MAP3K7CL: variants seen among roughly 807,000 people sequenced by gnomAD.
MAP3K7CL encodes the protein MAP3K7 C-terminal like.
Under a neutral mutation model 18.6 loss-of-function variants are expected in MAP3K7CL, and 16 were observed. That is an observed-to-expected ratio of 0.86 (90% CI 0.58 to 1.31). MAP3K7CL has a LOEUF of 1.31. Among genes scored for constraint, MAP3K7CL ranks in the 50% most tolerant of loss-of-function variants. The pLI is 0.00. For missense variants in MAP3K7CL, 163 were observed against 174.4 expected, an observed-to-expected ratio of 0.93 and a Z score of 0.37; for synonymous variants, 65 against 66.8, an observed-to-expected ratio of 0.97 and a Z score of 0.13.
chr21:29,172,241 C>CT (rs35612617), intron 4 of MAP3K7CL, among the ~76,000 whole-genome samples: 10,255 of 124,386 alleles, frequency 0.082, 441 homozygotes, highest in Non-Finnish European at 0.099. Flanking sequence ...TTGTCATTTT[C>CT]TTTTTTTTTT....
In MAP3K7CL at chr21:29,175,228, A is replaced by C. The variant is rs1400645041; in HGVS notation, c.*336A>C. The C allele has an allele frequency of 1.2e-5, 2 of 170,052 alleles. No individual in the cohort carries two copies. Among genetic ancestry groups the C allele is most frequent in the Non-Finnish European group, 1.3e-5 (1 of 79,530 alleles). 10.5% of individuals were successfully genotyped at this position (170,052 alleles called of 1,614,324 possible). ...TAGACTATTGACTGACCCAGCTAAG[A>C]ATCGTGGGCTGAGCAGAGTTAAACC... On this transcript the variant is annotated 3_prime_UTR_variant, in exon 5 of 5. Transcript: ENST00000399928.
At chr21:29,085,180 T>C (rs1313369813), upstream of MAP3K7CL, 3 of 152,018 alleles carry the variant, frequency 2.0e-5, no homozygotes, top group East Asian at 5.8e-4. Context: ...ACAGAGCAAA[T>C]GAGAATGGGG....
intron 4 of MAP3K7CL, among the ~76,000 whole-genome samples, chr21:29,117,819 C>T (rs1450955814): frequency 2.0e-5 from 3 of 152,090 alleles, no homozygotes; most frequent in Admixed American, 1.3e-4. Flanking sequence ...ACCAAATATC[C>T]GATGACTAAA....
chr21:29,149,106 T>C lies in MAP3K7CL; in HGVS notation c.71-83T>C, dbSNP rs1232166551. 4 of 1,088,900 alleles carry C rather than the reference T, an allele frequency of 3.7e-6. No homozygotes were observed. In the African/African-American group the frequency reaches 6.2e-5, roughly 17 times the overall value. The allele number at this position is 1,088,900 out of a possible 1,614,324, so 67.5% of individuals were successfully genotyped here. On this transcript the variant is annotated intron_variant, in intron 2 of 4. Transcript: ENST00000399928. ...ATGAAATGACTGAAACAGTGTATAC[T>C]GATGGTCTAACTCTGGGGGAGTCCA...
intron 4 of MAP3K7CL, chr21:29,092,586 G>T: frequency 6.2e-7 from 1 of 1,613,240 alleles, no homozygotes; most frequent in Non-Finnish European, 8.5e-7. Context: ...CTCTGGGTGA[G>T]TATTCCGTCC....
intron 1 of MAP3K7CL, among the ~76,000 whole-genome samples, chr21:29,087,632 C>T (rs1336050073): frequency 8.1e-6 from 1 of 122,974 alleles, no homozygotes; most frequent in African/African-American, 3.0e-5. Flanking sequence ...CTTGTTCTGT[C>T]TCCCAGGCTG....
intron 4 of MAP3K7CL, among the ~76,000 whole-genome samples, chr21:29,171,187 A>G (rs938227006): frequency 1.3e-5 from 2 of 152,278 alleles, no homozygotes; most frequent in Admixed American, 6.5e-5. Context: ...AACATAAATT[A>G]CTGTATCTCT....
intron 1 of MAP3K7CL, among the ~76,000 whole-genome samples, chr21:29,088,825 TG>T (rs1012405983): frequency 6.6e-6 from 1 of 152,140 alleles, no homozygotes; most frequent in Non-Finnish European, 1.5e-5. Flanking sequence ...TCAGAAATCT[TG>T]GGGTGTGACT....
At chr21:29,151,854 A>G (rs528533954) in intron 3 of MAP3K7CL, among the ~76,000 whole-genome samples, 7 of 152,334 alleles carry the variant, frequency 4.6e-5, no homozygotes, top group African/African-American at 1.4e-4. Flanking sequence ...TTTGAATTTT[A>G]TAGCTTTAAT....
At chr21:29,082,658 A>C (rs1409023218), upstream of MAP3K7CL, among the ~76,000 whole-genome samples, 1 of 152,228 alleles carries the variant, frequency 6.6e-6, no homozygotes, top group Non-Finnish European at 1.5e-5. Context: ...GAAGTAGGTT[A>C]TGTGGCCACA....
At chr21:29,149,376 A>C in intron 3 of MAP3K7CL, 126 bp downstream of exon 3, 1 of 802,140 alleles carries the variant, frequency 1.2e-6, no homozygotes, top group Non-Finnish European at 2.1e-6. Context: ...TGAAGTCATC[A>C]AGGATTACAT....
chr21:29,146,339 G>T (rs1178881448), intron 2 of MAP3K7CL, among the ~76,000 whole-genome samples: 1 of 152,140 alleles, frequency 6.6e-6, no homozygotes, highest in East Asian at 1.9e-4. Context: ...GTGATGTCTA[G>T]GTTATTAAAC....
chr21:29,120,094 A>C (rs541161842), intron 4 of MAP3K7CL, among the ~76,000 whole-genome samples: 94 of 152,328 alleles, frequency 6.2e-4, no homozygotes, highest in Non-Finnish European at 1.2e-3. Flanking sequence ...GAGAAATATG[A>C]AAACAGTTCT....
intron 3 of MAP3K7CL, among the ~76,000 whole-genome samples, chr21:29,151,195 G>A (rs2087264378): frequency 6.6e-6 from 1 of 151,806 alleles, no homozygotes; most frequent in Admixed American, 6.6e-5. Context: ...AATGCCATTG[G>A]CCCGGTGCCG....
chr21:29,123,875 G>A (rs938756742), intron 4 of MAP3K7CL, among the ~76,000 whole-genome samples: 4 of 151,994 alleles, frequency 2.6e-5, no homozygotes, highest in African/African-American at 9.7e-5. Flanking sequence ...CATTAAGAAG[G>A]TAAAGTAAAT....
At chr21:29,117,748 CT>C (rs1405264423) in intron 4 of MAP3K7CL, among the ~76,000 whole-genome samples, 1 of 152,156 alleles carries the variant, frequency 6.6e-6, no homozygotes, top group East Asian at 1.9e-4. Flanking sequence ...TTTCTTGTCA[CT>C]TTTTTGAATG....
intron 4 of MAP3K7CL, among the ~76,000 whole-genome samples, chr21:29,170,148 G>A (rs1006382461): frequency 3.3e-5 from 5 of 152,186 alleles, no homozygotes; most frequent in Non-Finnish European, 5.9e-5. Context: ...ATTATGAATT[G>A]CTAATGGATG....
chr21:29,163,369 T>G (rs1179213676), intron 4 of MAP3K7CL, among the ~76,000 whole-genome samples: 1 of 152,230 alleles, frequency 6.6e-6, no homozygotes, highest in Non-Finnish European at 1.5e-5. Flanking sequence ...TATATTTTCT[T>G]TTTCGTAAAG....
At chr21:29,150,905 A>C (rs1274119687) in intron 3 of MAP3K7CL, among the ~76,000 whole-genome samples, 1 of 151,048 alleles carries the variant, frequency 6.6e-6, no homozygotes, top group Non-Finnish European at 1.5e-5. Flanking sequence ...TAGTAGCTGG[A>C]ATTACAGGCA....
Sources: gnomAD v4.1 joint callset for allele counts (sites outside exome capture counted in the v4.1 genomes callset) on GRCh38, gnomAD v4.1.1 for gene constraint, MANE v1.5 for transcripts, NCBI Gene and HGNC (gene_info 2026-07-23, HGNC 2026-07-21) for gene names.